Variants in GLI2 observed in about 807,000 individuals in gnomAD.
The protein encoded by GLI2 is GLI family zinc finger 2, also known as transcription activator GLI2.
A neutral mutation model predicts 78.9 loss-of-function variants in GLI2; 22 were observed. That is an observed-to-expected ratio of 0.28 (90% CI 0.20 to 0.40). The LOEUF is 0.40. Ranked by LOEUF, GLI2 falls within the 10% of genes least tolerant of loss-of-function variation. The probability of loss-of-function intolerance (pLI) is 1.00; values close to 1 mark genes in which losing one functional copy is unlikely to be tolerated. For missense variants in GLI2, 2,097 were observed against 2,213.2 expected (o/e 0.95, Z 1.05); for synonymous variants, 974 against 963.7 (o/e 1.01, Z -0.20).
chr2:120,957,153 C>T (rs1382757331), intron 5 of GLI2, among the ~76,000 whole-genome samples: 1 of 152,230 alleles, frequency 6.6e-6, no homozygotes, highest in Non-Finnish European at 1.5e-5. Flanking sequence ...GCTGGCCCCT[C>T]ATGGATATGG....
intron 2 of GLI2, among the ~76,000 whole-genome samples, chr2:120,887,874 A>G (rs1254270047): frequency 1.3e-5 from 2 of 152,236 alleles, no homozygotes; most frequent in Non-Finnish European, 2.9e-5. Context: ...GTGCTAGATC[A>G]ATATGACAGG....
intron 12 of GLI2, 115 bp downstream of exon 12, chr2:120,984,858 T>C: frequency 6.7e-6 from 7 of 1,052,376 alleles, no homozygotes; most frequent in Non-Finnish European, 9.9e-6. Flanking sequence ...GGCACAGCGA[T>C]ATCCCTCCTC....
intron 1 of GLI2, among the ~76,000 whole-genome samples, chr2:120,759,962 A>C (rs1373732102): frequency 6.6e-6 from 1 of 152,256 alleles, no homozygotes; most frequent in Non-Finnish European, 1.5e-5. Context: ...TATATTTTAC[A>C]CTATCACAGC....
rs1418246981 is a variant in GLI2, at chr2:120,991,667, A to C, written c.*992A>C. 1 of 152,672 alleles carries C rather than the reference A, an allele frequency of 6.5e-6. No individual in the cohort carries two copies. The highest frequency in any genetic ancestry group is 2.4e-5 in the African/African-American group (1 of 41,404). 9.5% of individuals were successfully genotyped at this position (152,672 alleles called of 1,614,324 possible). On this transcript the variant is annotated 3_prime_UTR_variant, in exon 14 of 14. Coordinates refer to ENST00000361492, the MANE Select transcript of GLI2 (RefSeq NM_001374353.1). ...TGTTTCTCCAATGCAACGTCCACCC[A>C]CTTTACCACCAAAAACTCCAGGGCC...
At chr2:120,806,601 C>T (rs1558806576) in intron 2 of GLI2, among the ~76,000 whole-genome samples, 1 of 152,132 alleles carries the variant, frequency 6.6e-6, no homozygotes, top group Non-Finnish European at 1.5e-5. Flanking sequence ...TGTATGTCTC[C>T]TGCGTGAGTC....
At chr2:120,900,535 A>C (rs1283941035) in intron 2 of GLI2, among the ~76,000 whole-genome samples, 4 of 152,198 alleles carry the variant, frequency 2.6e-5, no homozygotes, top group African/African-American at 9.6e-5. Flanking sequence ...ATAGGATCTG[A>C]GAACTCGCTG....
chr2:120,955,626 CGTT>C (rs1253247773), intron 5 of GLI2, among the ~76,000 whole-genome samples, 196 bp downstream of exon 5: 20 of 152,340 alleles, frequency 1.3e-4, no homozygotes, highest in African/African-American at 4.8e-4. Context: ...GGCCAGGAGG[CGTT>C]GTAAGCATCG....
intron 11 of GLI2, 33 bp from the exon 12 acceptor site, chr2:120,984,438 C>G: frequency 6.2e-7 from 1 of 1,612,332 alleles, no homozygotes; most frequent in Non-Finnish European, 8.5e-7. Context: ...CCTCGTACCC[C>G]TATCCATGAC....
chr2:120,880,689 A>C (rs1005970416), intron 2 of GLI2, among the ~76,000 whole-genome samples: 1 of 152,230 alleles, frequency 6.6e-6, no homozygotes, highest in Non-Finnish European at 1.5e-5. Context: ...GGGCTAGGTT[A>C]GGACAATTGA....
In GLI2 at chr2:120,845,909, C is replaced by T. The variant is rs1483660730; in HGVS notation, c.148+48441C>T. 2.0e-5 allele frequency among the ~76,000 whole-genome samples: 3 copies of T among 152,310 alleles called. No homozygotes were observed. The East Asian group carries it at 5.8e-4, about 29-fold the overall frequency. On this transcript the variant is annotated intron_variant, in intron 2 of 13. Coordinates refer to ENST00000361492, the MANE Select transcript of GLI2 (RefSeq NM_001374353.1). ...CACAGGTTAGCCCATTTGATCCTCACAACAACCCTTTCCAATTTACAGATG... is the reference window on the plus strand; with the variant it reads ...CACAGGTTAGCCCATTTGATCCTCATAACAACCCTTTCCAATTTACAGATG...
chr2:120,977,792 G>T (rs544117572), intron 9 of GLI2, among the ~76,000 whole-genome samples: 4 of 152,326 alleles, frequency 2.6e-5, no homozygotes, highest in Admixed American at 2.6e-4. Context: ...GTCAGTTCTG[G>T]CTCCACCACG....
intron 5 of GLI2, among the ~76,000 whole-genome samples, chr2:120,962,916 T>C (rs1314274900): frequency 1.2e-4 from 19 of 152,332 alleles, no homozygotes; most frequent in Admixed American, 1.0e-3. Context: ...AGGTGGTTTT[T>C]CCCCTCACAT....
chr2:120,981,309 T>G (rs115390054), intron 10 of GLI2, among the ~76,000 whole-genome samples: 2,018 of 152,336 alleles, frequency 0.013, 49 homozygotes, highest in African/African-American at 0.044. Context: ...GGTATCCTTG[T>G]CAAAAATCAA....
intron 2 of GLI2, among the ~76,000 whole-genome samples, chr2:120,847,274 A>C (rs1687164281): frequency 6.6e-6 from 1 of 152,094 alleles, no homozygotes; most frequent in Non-Finnish European, 1.5e-5. Context: ...TTAATTTTTT[A>C]ATAATCGGAA....
intron 2 of GLI2, among the ~76,000 whole-genome samples, chr2:120,816,473 G>A (rs1351859881): frequency 6.6e-6 from 1 of 151,858 alleles, no homozygotes; most frequent in African/African-American, 2.4e-5. Flanking sequence ...GGGATTACAG[G>A]CATAAGCCAC....
At chr2:120,835,783 T>C (rs1686582659) in intron 2 of GLI2, among the ~76,000 whole-genome samples, 1 of 152,086 alleles carries the variant, frequency 6.6e-6, no homozygotes, top group Admixed American at 6.6e-5. Context: ...CAGAAAGAGA[T>C]GTGTGTGTGC....
rs1677798952 is a variant in GLI2, at chr2:120,893,768, TC to T, written c.149-33590del. ...TAATGTGGACAGGGGGCCTCTGAAC[TC>T]CCTGGCAAAGCAGTTGGGCGAGGAA... On this transcript the variant is annotated intron_variant, in intron 2 of 13. Transcript: ENST00000361492. Among the ~76,000 whole-genome samples the T allele has an allele frequency of 6.6e-5, 10 of 152,140 alleles. No individual in the cohort carries two copies. In the South Asian group the frequency reaches 2.1e-3, roughly 32 times the overall value.
intron 1 of GLI2, among the ~76,000 whole-genome samples, chr2:120,765,368 A>G (rs549294501): frequency 3.9e-5 from 6 of 152,336 alleles, no homozygotes; most frequent in Non-Finnish European, 5.9e-5. Context: ...TGGCCTCTTC[A>G]TGCCTTTGCA....
intron 1 of GLI2, among the ~76,000 whole-genome samples, chr2:120,783,389 G>A (rs1193984794): frequency 6.6e-6 from 1 of 152,152 alleles, no homozygotes; most frequent in East Asian, 1.9e-4. Flanking sequence ...ACAAAGCCAG[G>A]CCACAGTGGG....
Sources: gnomAD v4.1 joint callset for allele counts (sites outside exome capture counted in the v4.1 genomes callset) on GRCh38, gnomAD v4.1.1 for gene constraint, MANE v1.5 for transcripts, NCBI Gene and HGNC (gene_info 2026-07-23, HGNC 2026-07-21) for gene names.